ADAMTSL3: variants seen among roughly 807,000 people sequenced by gnomAD.
ADAMTSL3 encodes the protein ADAMTS like 3.
A neutral mutation model predicts 201.7 loss-of-function variants in ADAMTSL3; 128 were observed. That is an observed-to-expected ratio of 0.63 (90% confidence interval 0.55 to 0.73). The LOEUF (loss-of-function observed/expected upper bound fraction) is 0.73. Ranked by LOEUF, ADAMTSL3 falls within the 30% of genes least tolerant of loss-of-function variation. The pLI is 0.00. For missense variants in ADAMTSL3, 1,990 were observed against 2,119.6 expected (o/e 0.94, Z 1.20); for synonymous variants, 738 against 748.4 (o/e 0.99, Z 0.23).
Position 83,703,430 on chromosome 15 carries a change from T to A in ADAMTSL3, c.70-959T>A, listed in dbSNP as rs141267253. Reference sequence around the variant, plus strand: ...GTTTGGCTCTGTGTCCCCACTCAAATCTCATCTTGAATTGTACTCCTATAA... The same window carrying A: ...GTTTGGCTCTGTGTCCCCACTCAAAACTCATCTTGAATTGTACTCCTATAA... On this transcript the variant is annotated intron_variant, in intron 2 of 29. Coordinates refer to ENST00000286744, the MANE Select transcript of ADAMTSL3 (RefSeq NM_207517.3). Among the ~76,000 whole-genome samples the A allele has an allele frequency of 4.9e-3, 752 of 152,224 alleles. 5 individuals are homozygous for A. The highest frequency in any genetic ancestry group is 0.016 in the African/African-American group (679 of 41,534).
intron 2 of ADAMTSL3, among the ~76,000 whole-genome samples, chr15:83,689,006 A>G (rs945512993): frequency 1.7e-4 from 26 of 152,056 alleles, no homozygotes; most frequent in African/African-American, 5.6e-4. Context: ...CATTTTTTGT[A>G]GAGACGGAGT....
intron 3 of ADAMTSL3, among the ~76,000 whole-genome samples, chr15:83,767,041 C>G (rs1004022967): frequency 4.6e-5 from 7 of 152,098 alleles, no homozygotes; most frequent in Non-Finnish European, 8.8e-5. Context: ...TTGCAGTGAG[C>G]CAAGATTGTG....
intron 4 of ADAMTSL3, among the ~76,000 whole-genome samples, chr15:83,786,578 A>C (rs540541697): frequency 1.0e-3 from 155 of 152,176 alleles, no homozygotes; most frequent in African/African-American, 3.6e-3. Flanking sequence ...TTTGTACCCA[A>C]CCTAGTGACG....
intron 6 of ADAMTSL3, among the ~76,000 whole-genome samples, chr15:83,832,961 C>T (rs2064187810): frequency 1.3e-5 from 2 of 152,156 alleles, no homozygotes; most frequent in South Asian, 2.1e-4. Context: ...TTATTGAATT[C>T]CCTGATAGCT....
At chr15:84,016,234 C>A in intron 24 of ADAMTSL3, 149 bp from the exon 25 acceptor site, 1 of 629,774 alleles carries the variant, frequency 1.6e-6, no homozygotes, top group Non-Finnish European at 2.8e-6. Flanking sequence ...ACACACCTCC[C>A]AGACCTGTGG....
At position 84,037,136 on chromosome 15, in the gene ADAMTSL3, G is replaced by A. The variant is rs1018028463; in HGVS notation, c.4969+149G>A. The A allele has an allele frequency of 8.5e-6, 7 of 822,912 alleles. No homozygotes were observed. The Admixed American group carries it at 1.9e-4, about 23-fold the overall frequency. 51.0% of individuals were successfully genotyped at this position (822,912 alleles called of 1,614,324 possible). On this transcript the variant is annotated intron_variant, in intron 29 of 29. Coordinates refer to ENST00000286744, the MANE Select transcript of ADAMTSL3 (RefSeq NM_207517.3). ...ATTCAGAATGGATTTGGTAGCTTGG[G>A]ACATCAGGGGATGAACTCCTTTATG...
intron 2 of ADAMTSL3, among the ~76,000 whole-genome samples, chr15:83,686,002 G>C (rs773114470): frequency 2.4e-5 from 1 of 40,918 alleles, no homozygotes; most frequent in Non-Finnish European, 3.9e-5. Context: ...CAGCTAGCTC[G>C]TCCTCCCTCC....
chr15:83,673,243 A>G (rs2061350867), intron 2 of ADAMTSL3, among the ~76,000 whole-genome samples: 1 of 152,210 alleles, frequency 6.6e-6, no homozygotes, highest in Non-Finnish European at 1.5e-5. Context: ...AAAAGATAAC[A>G]GAGCTTTTGG....
chr15:83,950,263 G>T (rs1035039896), intron 19 of ADAMTSL3, among the ~76,000 whole-genome samples: 2 of 151,978 alleles, frequency 1.3e-5, no homozygotes, highest in Admixed American at 6.6e-5. Flanking sequence ...TGAAGAGATT[G>T]TCCTTTCCCC....
At chr15:83,988,629 A>C in intron 21 of ADAMTSL3, 62 bp from the exon 22 acceptor site, 1 of 1,402,166 alleles carries the variant, frequency 7.1e-7, no homozygotes, top group Non-Finnish European at 9.5e-7. Flanking sequence ...TCTGCAACTC[A>C]CTGTAGCCCT....
chr15:83,903,451 A>G (rs1596380931), intron 15 of ADAMTSL3, among the ~76,000 whole-genome samples: 1 of 152,042 alleles, frequency 6.6e-6, no homozygotes, highest in African/African-American at 2.4e-5. Context: ...ACTAGACTCT[A>G]GTAACCTCTA....
chr15:83,869,270 C>G (rs1156738023), intron 8 of ADAMTSL3, among the ~76,000 whole-genome samples: 1 of 151,972 alleles, frequency 6.6e-6, no homozygotes, highest in Non-Finnish European at 1.5e-5. Context: ...TTTACTATCT[C>G]TAGTTCCCCA....
intron 20 of ADAMTSL3, among the ~76,000 whole-genome samples, chr15:83,979,148 G>A (rs1042536601): frequency 1.3e-5 from 2 of 152,198 alleles, no homozygotes; most frequent in African/African-American, 2.4e-5. Flanking sequence ...GTGTGCTTCC[G>A]CACCATCCCA....
At chr15:83,823,256 A>G (rs186537342) in intron 6 of ADAMTSL3, among the ~76,000 whole-genome samples, 2 of 151,612 alleles carry the variant, frequency 1.3e-5, no homozygotes, top group East Asian at 3.9e-4. Context: ...AAATATTTTT[A>G]AAAAATAATG....
In ADAMTSL3 at chr15:84,014,561, A is replaced by G. The variant is rs1221029122; in HGVS notation, c.3993A>G (p.Ile1331Met). 6.2e-7 allele frequency: 1 copy of G among 1,613,888 alleles called. No individual in the cohort carries two copies. Among genetic ancestry groups the G allele is most frequent in the East Asian group, 2.2e-5 (1 of 44,890 alleles). Residue 1331 changes from isoleucine to methionine, a missense_variant, in exon 24 of 30, where the codon ATA becomes ATG. Coordinates refer to ENST00000286744, the MANE Select transcript of ADAMTSL3 (RefSeq NM_207517.3). Reference sequence around the variant, plus strand: ...CCAAAGGTGTCCCTCAGCCTAATATAACTTGGTTGAAGAGAGGAGGATCTC... The same window carrying G: ...CCAAAGGTGTCCCTCAGCCTAATATGACTTGGTTGAAGAGAGGAGGATCTC... ...CPVKGVPQPN[I>M]TWLKRGGSLS...
intron 3 of ADAMTSL3, among the ~76,000 whole-genome samples, chr15:83,773,141 T>C (rs536224014): frequency 2.0e-5 from 3 of 152,198 alleles, no homozygotes; most frequent in African/African-American, 7.2e-5. Flanking sequence ...TTGGTCTTTG[T>C]GAAGAGCTTA....
chr15:84,003,783 G>C (rs2141867190), intron 23 of ADAMTSL3, among the ~76,000 whole-genome samples: 1 of 152,342 alleles, frequency 6.6e-6, no homozygotes, highest in South Asian at 2.1e-4. Context: ...CACAGGACAA[G>C]TGTGCAGCAT....
chr15:83,838,932 A>G (rs1229307537), intron 7 of ADAMTSL3, among the ~76,000 whole-genome samples: 1 of 152,202 alleles, frequency 6.6e-6, no homozygotes, highest in African/African-American at 2.4e-5. Context: ...TGCAGTGTAA[A>G]AGCACACACA....
At chr15:83,763,430 C>A (rs536712919) in intron 3 of ADAMTSL3, among the ~76,000 whole-genome samples, 2 of 149,888 alleles carry the variant, frequency 1.3e-5, no homozygotes, top group Non-Finnish European at 3.0e-5. Flanking sequence ...TTTTTTGAGA[C>A]AGGGTCTCAC....
Sources: allele counts gnomAD v4.1 joint callset (sites outside exome capture counted in the v4.1 genomes callset), GRCh38; gene constraint gnomAD v4.1.1; transcripts MANE v1.5; gene names NCBI Gene and HGNC (gene_info 2026-07-23, HGNC 2026-07-21).